The following HS6ST2 variants were observed in gnomAD, a reference collection of about 807,000 sequenced individuals.
The protein encoded by HS6ST2 is heparan sulfate 6-O-sulfotransferase 2.
A neutral mutation model predicts 33.0 loss-of-function variants in HS6ST2; 17 were observed. The observed-to-expected ratio is 0.52, with a 90% confidence interval of 0.35 to 0.77. The LOEUF (loss-of-function observed/expected upper bound fraction) is 0.77. HS6ST2 is among the 30% of genes least tolerant of loss of function. The probability of loss-of-function intolerance (pLI) is 0.01; values close to 1 mark genes in which losing one functional copy is unlikely to be tolerated. For synonymous variants in HS6ST2, 248 were observed against 237.1 expected (o/e 1.05, Z -0.42); for missense variants, 519 against 551.7 (o/e 0.94, Z 0.59).
chrX:132,731,814 T>G (rs1356818533), intron 2 of HS6ST2, among the ~76,000 whole-genome samples: 1 of 108,070 alleles, frequency 9.3e-6, no homozygotes, highest in Non-Finnish European at 1.9e-5. Context: ...GCCACTGCAC[T>G]CCAGCCTGGG....
chrX:132,762,238 G>C (rs1001970591), intron 2 of HS6ST2, among the ~76,000 whole-genome samples: 7 of 111,114 alleles, frequency 6.3e-5, no homozygotes, highest in Non-Finnish European at 1.1e-4. Context: ...AATGCTACTA[G>C]ATATTGAGCT....
At chrX:132,633,417 G>A (rs959620435) in intron 4 of HS6ST2, among the ~76,000 whole-genome samples, 1 of 111,572 alleles carries the variant, frequency 9.0e-6, no homozygotes, top group Non-Finnish European at 1.9e-5. Context: ...CGTGAAGTTA[G>A]TTAAGAGGCC....
At chrX:132,695,687 G>T (rs1170375908) in intron 3 of HS6ST2, among the ~76,000 whole-genome samples, 1 of 112,123 alleles carries the variant, frequency 8.9e-6, no homozygotes, top group Non-Finnish European at 1.9e-5. Context: ...ACTCACTTGA[G>T]TGCATTGTTA....
intron 2 of HS6ST2, among the ~76,000 whole-genome samples, chrX:132,737,369 C>T (rs1184194341): frequency 1.8e-5 from 2 of 111,707 alleles, no homozygotes; most frequent in Non-Finnish European, 3.8e-5. Context: ...AAGGGATGTG[C>T]ACTGCTGTCA....
intron 2 of HS6ST2, among the ~76,000 whole-genome samples, chrX:132,888,174 G>T (rs1053471149): frequency 2.7e-5 from 3 of 111,258 alleles, no homozygotes; most frequent in Non-Finnish European, 5.7e-5. Flanking sequence ...GTTTGTATTC[G>T]TCTGTTCTCA....
intron 3 of HS6ST2, among the ~76,000 whole-genome samples, chrX:132,696,161 GGCTGC>G (rs2064103510): frequency 1.8e-5 from 2 of 111,852 alleles, no homozygotes; most frequent in South Asian, 7.6e-4. Context: ...TTGTGGATCT[GGCTGC>G]TGCTCTCTGT....
chrX:132,715,104 C>T (rs758971563), intron 2 of HS6ST2, among the ~76,000 whole-genome samples: 9 of 111,721 alleles, frequency 8.1e-5, no homozygotes, highest in Non-Finnish European at 1.5e-4. Context: ...ATATCTTGTT[C>T]GATTCAGAAC....
chrX:132,794,077 T>A (rs756401981), intron 2 of HS6ST2, among the ~76,000 whole-genome samples: 1 of 112,979 alleles, frequency 8.9e-6, no homozygotes. Context: ...AATTAAAGAA[T>A]GCACAATTTT....
At chrX:132,839,793 T>C (rs1415100532) in intron 2 of HS6ST2, among the ~76,000 whole-genome samples, 3 of 110,720 alleles carry the variant, frequency 2.7e-5, no homozygotes, top group Non-Finnish European at 3.8e-5. Context: ...CCCATGGAAG[T>C]GGGAAGATGC....
intron 2 of HS6ST2, among the ~76,000 whole-genome samples, chrX:132,815,049 C>G (rs1379395511): frequency 8.9e-6 from 1 of 111,774 alleles, no homozygotes; most frequent in East Asian, 2.8e-4. Flanking sequence ...ATCTGTTCAC[C>G]TGCCTTCCTT....
At chrX:132,699,984 T>C (rs184859908) in intron 3 of HS6ST2, among the ~76,000 whole-genome samples, 22 of 111,941 alleles carry the variant, frequency 2.0e-4, no homozygotes, top group African/African-American at 6.8e-4. Context: ...TAAAGACCTA[T>C]TTATGCCAGT....
chrX:132,666,327 T>C (rs1387029891), intron 4 of HS6ST2, among the ~76,000 whole-genome samples: 1 of 111,879 alleles, frequency 8.9e-6, no homozygotes, highest in African/African-American at 3.3e-5. Flanking sequence ...ACTAAGACTG[T>C]GAACTGCTTG....
At position 132,958,241 on chromosome X, in the gene HS6ST2, G is replaced by A; in HGVS notation, c.362C>T (p.Ala121Val). The A allele has an allele frequency of 8.5e-7, 1 of 1,182,767 alleles. No individual in the cohort carries two copies. Among genetic ancestry groups the A allele is most frequent in the African/African-American group, 1.7e-5 (1 of 57,526 alleles). The change falls in exon 1 of 5, where the codon GCC (alanine) becomes GTC (valine). Residue 121 changes from alanine to valine, a missense_variant. By Grantham distance (64) the Ala-to-Val change is moderately conservative. Transcript: ENST00000370833. ...CACGTGCTTCAGCGAGTGGCCCAGG[G>A]CGGCCAGGCCCCGAGTGAGCAGGGC... is the stretch of plus-strand genomic sequence containing the variant. ...CRALLTRGLA[A>V]LGHSLKHVLG...
intron 2 of HS6ST2, among the ~76,000 whole-genome samples, chrX:132,788,335 A>T (rs1433318484): frequency 1.8e-5 from 2 of 111,552 alleles, no homozygotes; most frequent in Non-Finnish European, 3.8e-5. Context: ...CATTGATGTT[A>T]CTCTTGTAAT....
intron 2 of HS6ST2, among the ~76,000 whole-genome samples, chrX:132,804,498 C>A (rs987532530): frequency 1.8e-5 from 2 of 111,974 alleles, no homozygotes; most frequent in Non-Finnish European, 3.8e-5. Context: ...TCCTGCTTCA[C>A]CCATTCATAA....
intron 4 of HS6ST2, among the ~76,000 whole-genome samples, chrX:132,643,321 C>A (rs1042238076): frequency 1.8e-5 from 2 of 110,877 alleles, no homozygotes; most frequent in African/African-American, 6.6e-5. Context: ...CAAGGGGGAG[C>A]CTGAGAGTGT....
chrX:132,856,411 G>A (rs1004123722), intron 2 of HS6ST2, among the ~76,000 whole-genome samples: 1 of 111,955 alleles, frequency 8.9e-6, no homozygotes, highest in Non-Finnish European at 1.9e-5. Flanking sequence ...TCCGCCGGGG[G>A]TCTTGGAACA....
chrX:132,926,685 G>A (rs1425688054), intron 2 of HS6ST2, among the ~76,000 whole-genome samples: 1 of 112,203 alleles, frequency 8.9e-6, no homozygotes, highest in Non-Finnish European at 1.9e-5. Flanking sequence ...CACTTTGGGA[G>A]GCCAAGGCGG....
At chrX:132,904,400 G>A (rs775219364) in intron 2 of HS6ST2, among the ~76,000 whole-genome samples, 7 of 111,394 alleles carry the variant, frequency 6.3e-5, no homozygotes, top group Non-Finnish European at 1.3e-4. Context: ...TTCTCATTTT[G>A]CGTCTCATAG....
Sources: gnomAD v4.1 joint callset for allele counts (sites outside exome capture counted in the v4.1 genomes callset) on GRCh38, gnomAD v4.1.1 for gene constraint, MANE v1.5 for transcripts, NCBI Gene and HGNC (gene_info 2026-07-23, HGNC 2026-07-21) for gene names.